BPIFC: variants seen among roughly 807,000 people sequenced by gnomAD.
The protein encoded by BPIFC is BPI fold containing family C, also known as BPI fold-containing family C protein.
BPIFC carries 60 observed loss-of-function variants against 57.6 expected under a neutral mutation model. The ratio of observed to expected loss-of-function variants is 1.04; its 90% CI spans 0.85 to 1.29. The LOEUF (loss-of-function observed/expected upper bound fraction) is 1.29. BPIFC is among the 50% of genes most tolerant of loss of function. The pLI, the probability that BPIFC is intolerant of heterozygous loss-of-function variation, is 0.00. For missense variants in BPIFC, 581 were observed against 600.5 expected, an observed-to-expected ratio of 0.97 and a Z score of 0.34; for synonymous variants, 243 against 224.5, an observed-to-expected ratio of 1.08 and a Z score of -0.74.
chr22:32,445,304 A>G (rs1483556867), intron 7 of BPIFC, among the ~76,000 whole-genome samples: 2 of 152,296 alleles, frequency 1.3e-5, no homozygotes, highest in African/African-American at 4.8e-5. Context: ...TTGGGAGGCC[A>G]AGGTGCGCGG....
At chr22:32,433,698 A>G (rs754034467) in intron 11 of BPIFC, 21 bp downstream of exon 11, 3 of 1,611,052 alleles carry the variant, frequency 1.9e-6, no homozygotes, top group Non-Finnish European at 2.5e-6. Context: ...CACTATCAAG[A>G]CTCAAACCCT....
intron 3 of BPIFC, 77 bp downstream of exon 3, chr22:32,457,186 G>A (rs1935055865): frequency 6.7e-7 from 1 of 1,481,502 alleles, no homozygotes; most frequent in South Asian, 1.4e-5. Context: ...GACAGCCCAT[G>A]TTATGAGCTG....
intron 13 of BPIFC, among the ~76,000 whole-genome samples, chr22:32,422,531 A>AC (rs1933876844): frequency 6.6e-6 from 1 of 151,868 alleles, no homozygotes; most frequent in Non-Finnish European, 1.5e-5. Flanking sequence ...ACATAGCAAA[A>AC]CCCCATCTCT....
rs57447537 is a variant in BPIFC at position 32,443,162 on chromosome 22, CTT to C, written c.595-433_595-432del. On this transcript the variant is annotated intron_variant, in intron 7 of 16. Coordinates refer to ENST00000300399, the MANE Select transcript of BPIFC (RefSeq NM_174932.3). Reference sequence around the variant, plus strand: ...CTACCTGGAATGGTTAGAGCTGGAGCTTTTTTTTTTTTTTTTTTTGAGACGAA... The same window carrying C: ...CTACCTGGAATGGTTAGAGCTGGAGCTTTTTTTTTTTTTTTTTGAGACGAA... Among the ~76,000 whole-genome samples, 967 of 133,794 alleles carry C rather than the reference CTT, an allele frequency of 7.2e-3. 6 individuals carry two copies. The highest frequency in any genetic ancestry group is 0.025 in the African/African-American group (905 of 36,428). 87.8% of individuals were successfully genotyped at this position (133,794 alleles called of 152,430 possible). A position where few individuals can be genotyped will look rare whatever the true frequency, so the allele number is the denominator to read the frequency against.
At position 32,433,045 on chromosome 22, in the gene BPIFC, A is replaced by G. The variant is rs539376098; in HGVS notation, c.979-502T>C. ...TGGAGAAATCCTGCCTCTACAAAAAATAGAAAAATTAGCTGGGCATAGTGG... is the reference window on the plus strand; with the variant it reads ...TGGAGAAATCCTGCCTCTACAAAAAGTAGAAAAATTAGCTGGGCATAGTGG... On this transcript the variant is annotated intron_variant, in intron 11 of 16. Coordinates refer to ENST00000300399, the MANE Select transcript of BPIFC (RefSeq NM_174932.3). Among the ~76,000 whole-genome samples, 7 of 152,324 alleles carry G rather than the reference A, an allele frequency of 4.6e-5. No individual in the cohort carries two copies. In the South Asian group the frequency reaches 1.0e-3, roughly 23 times the overall value.
At chr22:32,424,970 T>C (rs2076046) in intron 13 of BPIFC, among the ~76,000 whole-genome samples, 94,868 of 151,104 alleles carry the variant, frequency 0.63, 31,306 homozygotes, top group African/African-American at 0.86. Flanking sequence ...TTAGTAGAGA[T>C]GGAGTTTCAC....
At position 32,439,198 on chromosome 22, in the gene BPIFC, G is replaced by A. The variant is rs899012600; in HGVS notation, c.656-1347C>T. 5.3e-5 allele frequency among the ~76,000 whole-genome samples: 8 copies of A among 152,150 alleles called. 1 individual carries two copies. In the South Asian group the frequency reaches 1.7e-3, roughly 32 times the overall value. ...AAATTAGCAAGGTGTGGTGGCACGC[G>A]CCTGTAATCCCAGCTACTTGGGAGG... On this transcript the variant is annotated intron_variant, in intron 8 of 16. Coordinates refer to ENST00000300399, the MANE Select transcript of BPIFC (RefSeq NM_174932.3).
At chr22:32,456,424 C>T (rs1168852968) in intron 3 of BPIFC, among the ~76,000 whole-genome samples, 2 of 142,636 alleles carry the variant, frequency 1.4e-5, no homozygotes, top group African/African-American at 5.2e-5. Context: ...TCCCTCAATC[C>T]TTCTTTCTTT....
chr22:32,424,711 T>C (rs1351904710), intron 13 of BPIFC, among the ~76,000 whole-genome samples: 1 of 99,594 alleles, frequency 1.0e-5, no homozygotes, highest in African/African-American at 5.4e-5. Flanking sequence ...CTTCCTCTTC[T>C]TCTTCCTCTT....
intron 16 of BPIFC, among the ~76,000 whole-genome samples, 162 bp downstream of exon 16, chr22:32,415,753 T>G (rs1411165754): frequency 6.6e-6 from 1 of 152,236 alleles, no homozygotes; most frequent in African/African-American, 2.4e-5. Flanking sequence ...TTTCTGTTAA[T>G]TGTGATTTAA....
Position 32,437,844 on chromosome 22 carries a change from G to A in BPIFC, c.663C>T (p.Thr221=), listed in dbSNP as rs763680737. The part of the protein sequence containing the change: ...NANLSTLEVL[T]KIDNYTLLDY... ...CCAGCAGAGTGTAGTTGTCAATCTT[G>A]GTTAAAACTAAATAACCAACAAAGA... The change falls in exon 9 of 17, where the codon ACC becomes ACT. Residue 221 remains threonine (T), a synonymous_variant. Transcript: ENST00000300399. 1 of 1,604,830 alleles carries A rather than the reference G, an allele frequency of 6.2e-7. No individual in the cohort carries two copies. Among genetic ancestry groups the A allele is most frequent in the South Asian group, 1.1e-5 (1 of 90,740 alleles).
intron 8 of BPIFC, among the ~76,000 whole-genome samples, chr22:32,441,578 C>T (rs1011262291): frequency 5.3e-5 from 8 of 152,066 alleles, no homozygotes; most frequent in South Asian, 4.2e-4. Flanking sequence ...CATAACTTTA[C>T]GGAGTGGGGG....
In BPIFC at chr22:32,445,683, G is replaced by A. The variant is rs1334814268; in HGVS notation, c.546C>T (p.Ser182=). ...FSGELSVLYN[S]FAEPMEKPIL... ...TGGGTTTCTCCATGGGCTCAGCAAA[G>A]GAGTTATACAGAACACTGAGGAAAA... is the stretch of plus-strand genomic sequence containing the variant. The change falls in exon 7 of 17, where the codon TCC becomes TCT. Residue 182 remains serine (S), a synonymous_variant. Coordinates refer to ENST00000300399, the MANE Select transcript of BPIFC (RefSeq NM_174932.3). The A allele has an allele frequency of 8.3e-7, 1 of 1,201,052 alleles. No homozygotes were observed. Among genetic ancestry groups the A allele is most frequent in the Non-Finnish European group, 1.2e-6 (1 of 851,712 alleles). 74.4% of individuals were successfully genotyped at this position (1,201,052 alleles called of 1,614,324 possible). A position where few individuals can be genotyped will look rare whatever the true frequency, so the allele number is the denominator to read the frequency against.
intron 13 of BPIFC, among the ~76,000 whole-genome samples, chr22:32,430,597 T>G (rs1009426041): frequency 6.1e-5 from 9 of 148,684 alleles, no homozygotes; most frequent in Non-Finnish European, 1.2e-4. Flanking sequence ...TTTATGTATT[T>G]AATTTGTATA....
At chr22:32,427,209 T>C (rs975567333) in intron 13 of BPIFC, among the ~76,000 whole-genome samples, 4 of 152,210 alleles carry the variant, frequency 2.6e-5, no homozygotes, top group Non-Finnish European at 4.4e-5. Flanking sequence ...GTTTTTTCTA[T>C]TACTCCCATA....
intron 3 of BPIFC, among the ~76,000 whole-genome samples, chr22:32,455,569 G>A (rs544246358): frequency 1.3e-5 from 2 of 152,262 alleles, no homozygotes; most frequent in East Asian, 3.9e-4. Context: ...CACAAAGGAG[G>A]CAGCTGAGGC....
At chr22:32,458,261 T>C (rs1935086365) in intron 2 of BPIFC, among the ~76,000 whole-genome samples, 1 of 152,162 alleles carries the variant, frequency 6.6e-6, no homozygotes, top group Non-Finnish European at 1.5e-5. Flanking sequence ...TTGATCTTTC[T>C]TTAATGATCT....
chr22:32,455,050 C>CTTTTTTTTTTTTTTTTTTTTTTTT (rs1392514246), intron 3 of BPIFC, among the ~76,000 whole-genome samples: 2 of 134,148 alleles, frequency 1.5e-5, no homozygotes, highest in Non-Finnish European at 1.6e-5. Flanking sequence ...TTTTCATCTC[C>CTTTTTTTTTTTTTTTTTTTTTTTT]ATTTTTTTTT....
intron 15 of BPIFC, among the ~76,000 whole-genome samples, chr22:32,416,667 A>G (rs951725956): frequency 6.6e-6 from 1 of 152,214 alleles, no homozygotes; most frequent in Non-Finnish European, 1.5e-5. Context: ...ACTGCTGTGC[A>G]AGGAGAAGGC....
Sources: allele counts gnomAD v4.1 joint callset (sites outside exome capture counted in the v4.1 genomes callset), GRCh38; gene constraint gnomAD v4.1.1; transcripts MANE v1.5; gene names NCBI Gene and HGNC (gene_info 2026-07-23, HGNC 2026-07-21).